The following TP73 variants were observed in gnomAD, a reference collection of about 807,000 sequenced individuals.
The protein encoded by TP73 is p53-like transcription factor.
In TP73, 25 loss-of-function variants were observed where a neutral mutation model predicts 62.5. That is an observed-to-expected ratio of 0.40 (90% confidence interval 0.29 to 0.56). The LOEUF is 0.56. Ranked by LOEUF, TP73 falls within the 20% of genes least tolerant of loss-of-function variation. The pLI, the probability that TP73 is intolerant of heterozygous loss-of-function variation, is 0.46. For missense variants in TP73, 754 were observed against 913.3 expected (o/e 0.83, Z 2.25); for synonymous variants, 423 against 377.5 (o/e 1.12, Z -1.40).
intron 4 of TP73, among the ~76,000 whole-genome samples, chr1:3,715,160 C>T (rs1640487978): frequency 6.6e-6 from 1 of 152,212 alleles, no homozygotes; most frequent in African/African-American, 2.4e-5. Context: ...GACCCATCCC[C>T]AGCAGGACCA....
intron 3 of TP73, among the ~76,000 whole-genome samples, chr1:3,700,805 C>T (rs539590580): frequency 1.3e-4 from 19 of 151,942 alleles, no homozygotes; most frequent in South Asian, 2.1e-4. Context: ...TCACTTGAGA[C>T]GGTTTACACA....
chr1:3,707,930 A>AGCATCGGGCAGGAGGC, intron 4 of TP73, 139 bp downstream of exon 4: 1 of 1,378,930 alleles, frequency 7.3e-7, no homozygotes, highest in Non-Finnish European at 9.7e-7. Flanking sequence ...GGCCAGGAGG[A>AGCATCGGGCAGGAGGC]GCATCGGGCA....
At chr1:3,709,967 A>C (rs1570553843) in intron 4 of TP73, among the ~76,000 whole-genome samples, 1 of 151,394 alleles carries the variant, frequency 6.6e-6, no homozygotes, top group African/African-American at 2.4e-5. Context: ...TGCCACCCCC[A>C]CCCCCTGCCA....
At position 3,729,396 on chromosome 1, in the gene TP73, C is replaced by G. The variant is rs2124532740; in HGVS notation, c.1144C>G (p.Pro382Ala). ...KESLELMELV[P>A]QPLVDSYRQQ... The stretch of plus-strand genomic sequence containing the variant: ...GAGCCTGGAGCTGATGGAGTTGGTG[C>G]CGCAGCCACTGGTGGACTCCTATCG... Residue 382 changes from proline to alanine, a missense_variant, in exon 10 of 14, where the codon CCG becomes GCG. By Grantham distance (27) the Pro-to-Ala change is conservative. Around this residue, in one of 3 missense-constraint regions of TP73, gnomAD observed 458 missense variants for 528.7 expected, o/e 0.87. Transcript: ENST00000378295. 6.8e-6 allele frequency: 11 copies of G among 1,613,120 alleles called. No homozygotes were observed. Among genetic ancestry groups the G allele is most frequent in the Non-Finnish European group, 9.3e-6 (11 of 1,179,986 alleles).
intron 1 of TP73, among the ~76,000 whole-genome samples, chr1:3,678,018 C>G (rs189800285): frequency 6.6e-6 from 1 of 152,258 alleles, no homozygotes; most frequent in Admixed American, 6.5e-5. Context: ...CCCTCCTAGA[C>G]TAAATCTTCT....
chr1:3,691,433 G>A lies in TP73; in HGVS notation c.186+8253G>A, dbSNP rs1424349317. Among the ~76,000 whole-genome samples the A allele has an allele frequency of 2.0e-5, 3 of 152,092 alleles. 1 individual carries two copies. Among genetic ancestry groups the A allele is most frequent in the Non-Finnish European group, 2.9e-5 (2 of 68,006 alleles). ...GCTCATTTGACAGCAGTGGCAGACGGTGCTTCTTGTCAGCCCCACGGGCTC... is the reference window on the plus strand; with the variant it reads ...GCTCATTTGACAGCAGTGGCAGACGATGCTTCTTGTCAGCCCCACGGGCTC... On this transcript the variant is annotated intron_variant, in intron 3 of 13. Transcript: ENST00000378295.
intron 1 of TP73, among the ~76,000 whole-genome samples, chr1:3,659,952 T>C (rs959770901): frequency 6.6e-6 from 1 of 152,214 alleles, no homozygotes; most frequent in Non-Finnish European, 1.5e-5. Context: ...AGTGCTAGGA[T>C]TACAGACGTG....
chr1:3,671,579 G>C (rs562515312), intron 1 of TP73, among the ~76,000 whole-genome samples: 1 of 152,350 alleles, frequency 6.6e-6, no homozygotes, highest in South Asian at 2.1e-4. Flanking sequence ...GCTGCCTGGC[G>C]GGAAGGTGGA....
intron 3 of TP73, chr1:3,698,201 G>C: frequency 2.3e-6 from 2 of 876,884 alleles, no homozygotes; most frequent in Non-Finnish European, 2.7e-6. Flanking sequence ...CAAGGACACA[G>C]GATGTCAGGG....
chr1:3,671,422 C>T (rs1262899642), intron 1 of TP73, among the ~76,000 whole-genome samples: 1 of 152,248 alleles, frequency 6.6e-6, no homozygotes, highest in Non-Finnish European at 1.5e-5. Flanking sequence ...CCCCTCCATT[C>T]GCTTGTGAGT....
chr1:3,690,103 G>A (rs917316208), intron 3 of TP73, among the ~76,000 whole-genome samples: 1 of 152,184 alleles, frequency 6.6e-6, no homozygotes, highest in African/African-American at 2.4e-5. Flanking sequence ...TGTTTCCTGG[G>A]GGCTTGGCCA....
intron 4 of TP73, among the ~76,000 whole-genome samples, chr1:3,716,847 C>T (rs970115435): frequency 6.6e-6 from 1 of 152,124 alleles, no homozygotes; most frequent in African/African-American, 2.4e-5. Context: ...TGTGGCTCAG[C>T]CCCAGGAGCT....
intron 3 of TP73, among the ~76,000 whole-genome samples, chr1:3,688,072 C>T (rs1020323493): frequency 6.6e-6 from 1 of 152,106 alleles, no homozygotes; most frequent in Admixed American, 6.5e-5. Context: ...AGAAGGACAC[C>T]CCTCCCTTCC....
intron 7 of TP73, 147 bp downstream of exon 7, chr1:3,727,371 C>G: frequency 1.0e-6 from 1 of 981,212 alleles, no homozygotes; most frequent in Non-Finnish European, 1.5e-6. Flanking sequence ...GAACCGCCCC[C>G]TGGCCTGCAG....
intron 1 of TP73, among the ~76,000 whole-genome samples, chr1:3,677,144 G>A (rs1352745781): frequency 1.3e-5 from 2 of 152,110 alleles, no homozygotes; most frequent in African/African-American, 4.8e-5. Context: ...CCTGTGCTCC[G>A]TGGGTCCCGG....
At chr1:3,681,647 C>T (rs1330714817) in intron 1 of TP73, among the ~76,000 whole-genome samples, 2 of 152,160 alleles carry the variant, frequency 1.3e-5, no homozygotes, top group Admixed American at 6.5e-5. Flanking sequence ...GGAGCCCCAG[C>T]TCAGAAGGCG....
intron 1 of TP73, among the ~76,000 whole-genome samples, chr1:3,655,954 G>A (rs1341926737): frequency 6.6e-6 from 1 of 152,178 alleles, no homozygotes. Flanking sequence ...GAGGCGGGTG[G>A]ATCACGAGGT....
chr1:3,711,364 G>A (rs1236024610), intron 4 of TP73, among the ~76,000 whole-genome samples: 8 of 152,244 alleles, frequency 5.3e-5, no homozygotes, highest in Non-Finnish European at 1.0e-4. Flanking sequence ...GAGCCCTGCT[G>A]GCCACTCCTG....
chr1:3,700,742 C>T lies in TP73; in HGVS notation c.187-6807C>T, dbSNP rs963759855. ...GTTGCAGTGAGCCGAGATCCCACCA[C>T]TGCACTCCAGCCTGGGCGACACAGT... On this transcript the variant is annotated intron_variant, in intron 3 of 13. Coordinates refer to ENST00000378295, the MANE Select transcript of TP73 (RefSeq NM_005427.4). Among the ~76,000 whole-genome samples, 16 of 152,104 alleles carry T rather than the reference C, an allele frequency of 1.1e-4. No homozygotes were observed. In the East Asian group the frequency reaches 3.1e-3, roughly 29 times the overall value.
Sources: gnomAD v4.1 joint callset for allele counts (sites outside exome capture counted in the v4.1 genomes callset) on GRCh38, gnomAD v4.1.1 for gene constraint, gnomAD v4.1.1 regional missense constraint, MANE v1.5 for transcripts, NCBI Gene and HGNC (gene_info 2026-07-23, HGNC 2026-07-21) for gene names.